The following ITGB6 variants were observed in gnomAD, a reference collection of about 807,000 sequenced individuals.
ITGB6 encodes integrin beta-6.
ITGB6 carries 80 observed loss-of-function variants against 84.5 expected under a neutral mutation model. That is an observed-to-expected ratio of 0.95 (90% confidence interval 0.79 to 1.14). The LOEUF (loss-of-function observed/expected upper bound fraction) is 1.14. ITGB6 is among the 50% of genes most tolerant of loss of function. The probability of loss-of-function intolerance (pLI) is 0.00; values close to 1 mark genes in which losing one functional copy is unlikely to be tolerated. For missense variants in ITGB6, 1,006 were observed against 968.0 expected (o/e 1.04, Z -0.52); for synonymous variants, 383 against 354.9 (o/e 1.08, Z -0.89).
At chr2:160,118,196 G>T (rs1682869703) in intron 12 of ITGB6, among the ~76,000 whole-genome samples, 2 of 152,142 alleles carry the variant, frequency 1.3e-5, no homozygotes, top group Admixed American at 6.5e-5. Flanking sequence ...CCAAAGCCTG[G>T]CAGAGAAACA....
chr2:160,187,419 C>T (rs909720324), intron 4 of ITGB6, among the ~76,000 whole-genome samples: 2 of 152,192 alleles, frequency 1.3e-5, no homozygotes, highest in Non-Finnish European at 2.9e-5. Flanking sequence ...TCTAGTTTTA[C>T]CTGTTATCTA....
intron 13 of ITGB6, among the ~76,000 whole-genome samples, chr2:160,111,224 G>GT (rs955880814): frequency 6.6e-6 from 1 of 151,834 alleles, no homozygotes; most frequent in African/African-American, 2.4e-5. Flanking sequence ...TTTGAAACTC[G>GT]TTTTTTTCAA....
intron 14 of ITGB6, among the ~76,000 whole-genome samples, chr2:160,106,704 A>G (rs1696922411): frequency 6.6e-6 from 1 of 152,234 alleles, no homozygotes; most frequent in Non-Finnish European, 1.5e-5. Context: ...ATGTATTATC[A>G]TTAATTTAGA....
Position 160,107,536 on chromosome 2 carries a change from C to A in ITGB6, c.2268+143G>T, listed in dbSNP as rs1696955225. On this transcript the variant is annotated intron_variant, in intron 14 of 14. Coordinates refer to ENST00000283249, the MANE Select transcript of ITGB6 (RefSeq NM_000888.5). ...TTTGCCCCTGAAGCAGAACAGAAATCAAAGCTGTTGGAGTCATGGCGAGAG... is the reference window on the plus strand; with the variant it reads ...TTTGCCCCTGAAGCAGAACAGAAATAAAAGCTGTTGGAGTCATGGCGAGAG... 2.5e-5 allele frequency: 18 copies of A among 712,922 alleles called. 1 individual carries two copies. In the South Asian group the frequency reaches 3.5e-4, roughly 14 times the overall value. 44.2% of individuals were successfully genotyped at this position (712,922 alleles called of 1,614,324 possible).
chr2:160,134,838 T>C (rs1683637620), intron 10 of ITGB6, among the ~76,000 whole-genome samples: 1 of 152,346 alleles, frequency 6.6e-6, no homozygotes, highest in East Asian at 1.9e-4. Flanking sequence ...GAAAAGGCCT[T>C]TGACAAAATT....
intron 4 of ITGB6, among the ~76,000 whole-genome samples, chr2:160,191,604 T>G (rs1027503116): frequency 2.0e-5 from 3 of 152,186 alleles, no homozygotes; most frequent in Admixed American, 2.0e-4. Context: ...CCTAAGATCA[T>G]GAACATGACT....
chr2:160,132,952 T>G (rs1018118746), intron 10 of ITGB6, among the ~76,000 whole-genome samples: 1 of 152,162 alleles, frequency 6.6e-6, no homozygotes, highest in Non-Finnish European at 1.5e-5. Flanking sequence ...TAACCTAGTA[T>G]GTGTCATATA....
chr2:160,159,937 C>A (rs1684757926), intron 7 of ITGB6, among the ~76,000 whole-genome samples: 1 of 152,034 alleles, frequency 6.6e-6, no homozygotes, highest in African/African-American at 2.4e-5. Flanking sequence ...TCCATGAGGA[C>A]AAAACAGTGT....
chr2:160,198,179 T>C lies in ITGB6; in HGVS notation c.141+1000A>G, dbSNP rs184259971. ...TTCCCTTCTTGTATATTCTCAATCC[T>C]GCTTTGATACAGGAACTAAAAAAAA... On this transcript the variant is annotated intron_variant, in intron 2 of 14. Transcript: ENST00000283249. 3.0e-4 allele frequency among the ~76,000 whole-genome samples: 46 copies of C among 152,362 alleles called. 1 individual carries two copies. The highest frequency in any genetic ancestry group is 3.4e-3 in the Middle Eastern group (1 of 294).
intron 7 of ITGB6, among the ~76,000 whole-genome samples, chr2:160,160,857 G>A (rs1193344599): frequency 6.6e-6 from 1 of 152,188 alleles, no homozygotes; most frequent in African/African-American, 2.4e-5. Context: ...GGATACATGG[G>A]TAACTGAATT....
At chr2:160,111,065 T>C (rs1682483733) in intron 13 of ITGB6, among the ~76,000 whole-genome samples, 1 of 152,094 alleles carries the variant, frequency 6.6e-6, no homozygotes, top group Admixed American at 6.6e-5. Context: ...GCCACTCTTA[T>C]TGTGTGGAAG....
chr2:160,119,513 A>G (rs1412261541), intron 12 of ITGB6, among the ~76,000 whole-genome samples: 1 of 151,736 alleles, frequency 6.6e-6, no homozygotes, highest in Non-Finnish European at 1.5e-5. Context: ...ACAAAAATTA[A>G]TTCAAGATGG....
chr2:160,181,888 A>C (rs1255788032), intron 4 of ITGB6, among the ~76,000 whole-genome samples: 1 of 152,242 alleles, frequency 6.6e-6, no homozygotes, highest in Non-Finnish European at 1.5e-5. Flanking sequence ...GCAGACCTGC[A>C]GCAGAGGGGC....
intron 12 of ITGB6, among the ~76,000 whole-genome samples, chr2:160,116,441 A>C (rs1282752992): frequency 2.4e-4 from 36 of 151,970 alleles, no homozygotes; most frequent in African/African-American, 8.5e-4. Flanking sequence ...GAAATAAAAT[A>C]CTTTACAGAC....
rs368371725 is a variant in ITGB6 at position 160,163,475 on chromosome 2, C to A, written c.1017+5737G>T. 5.6e-3 allele frequency among the ~76,000 whole-genome samples: 857 copies of A among 152,122 alleles called. 9 individuals are homozygous for A. Among genetic ancestry groups the A allele is most frequent in the African/African-American group, 0.019 (804 of 41,510 alleles). Reference sequence around the variant, plus strand: ...GGTGAAACCCCGTCTCTACTAAAAACATGCAAATTAGCTGGGCATGGTGGC... The same window carrying A: ...GGTGAAACCCCGTCTCTACTAAAAAAATGCAAATTAGCTGGGCATGGTGGC... On this transcript the variant is annotated intron_variant, in intron 7 of 14. Coordinates refer to ENST00000283249, the MANE Select transcript of ITGB6 (RefSeq NM_000888.5).
intron 7 of ITGB6, among the ~76,000 whole-genome samples, chr2:160,157,883 G>A (rs1186379551): frequency 6.6e-6 from 1 of 152,112 alleles, no homozygotes; most frequent in African/African-American, 2.4e-5. Flanking sequence ...GGCGGACTGG[G>A]TTTGCTGAAA....
chr2:160,105,589 T>C (rs994732341), intron 14 of ITGB6, among the ~76,000 whole-genome samples: 1 of 152,202 alleles, frequency 6.6e-6, no homozygotes, highest in Non-Finnish European at 1.5e-5. Context: ...GCACCAAAAG[T>C]TAGGGAAGTC....
At position 160,107,780 on chromosome 2, in the gene ITGB6, C is replaced by T. The variant is rs966484703; in HGVS notation, c.2167G>A (p.Gly723Arg). ...LGVSLAILLI[G>R]VVLLCIWKLL... ...TTCCAGATGCACAGTAGGACAACCC[C>T]GATGAGAAGAATAGCCAGGGAAACC... is the stretch of plus-strand genomic sequence containing the variant. Residue 723 changes from glycine (G) to arginine (R), a missense_variant, in exon 14 of 15, where the codon GGG becomes AGG. Physicochemically the swap from Gly to Arg is moderately radical, Grantham distance 125. Coordinates refer to ENST00000283249, the MANE Select transcript of ITGB6 (RefSeq NM_000888.5). The T allele has an allele frequency of 6.2e-7, 1 of 1,613,834 alleles. No individual in the cohort carries two copies. The highest frequency in any genetic ancestry group is 8.5e-7 in the Non-Finnish European group (1 of 1,179,826).
At chr2:160,108,229 G>C (rs1292083774) in intron 13 of ITGB6, among the ~76,000 whole-genome samples, 1 of 150,694 alleles carries the variant, frequency 6.6e-6, no homozygotes, top group African/African-American at 2.4e-5. Flanking sequence ...GTGTGTGTGT[G>C]TGTGTGTGTG....
Sources: allele counts gnomAD v4.1 joint callset (sites outside exome capture counted in the v4.1 genomes callset), GRCh38; gene constraint gnomAD v4.1.1; transcripts MANE v1.5; gene names NCBI Gene and HGNC (gene_info 2026-07-23, HGNC 2026-07-21).